The following PTPRG variants were observed in gnomAD, a reference collection of about 807,000 sequenced individuals.
PTPRG encodes receptor-type tyrosine-protein phosphatase gamma.
In PTPRG, 102 loss-of-function variants were observed where a neutral mutation model predicts 165.3. The observed-to-expected ratio is 0.62, with a 90% confidence interval of 0.53 to 0.73. PTPRG has a LOEUF of 0.73. PTPRG is among the 30% of genes least tolerant of loss of function. The pLI is 0.00. For missense variants in PTPRG, 1,866 were observed against 1,861.4 expected (o/e 1.00, Z -0.05); for synonymous variants, 675 against 669.5 (o/e 1.01, Z -0.13).
At chr3:62,040,773 C>T (rs1002050831) in intron 4 of PTPRG, among the ~76,000 whole-genome samples, 4 of 152,136 alleles carry the variant, frequency 2.6e-5, no homozygotes, top group Non-Finnish European at 5.9e-5. Context: ...AATAGAGCAC[C>T]GGAGTATAGG....
intron 1 of PTPRG, among the ~76,000 whole-genome samples, chr3:61,709,208 C>T (rs576302724): frequency 2.6e-5 from 4 of 152,312 alleles, no homozygotes; most frequent in African/African-American, 9.6e-5. Context: ...TGTAAGCCAG[C>T]TAATGCGTGT....
rs73084078 is a variant in PTPRG, at chr3:61,799,293, A to T, written c.190+50311A>T. 6.5e-3 allele frequency among the ~76,000 whole-genome samples: 987 copies of T among 151,946 alleles called. 4 individuals are homozygous for T. Among genetic ancestry groups the T allele is most frequent in the Middle Eastern group, 0.017 (5 of 288 alleles). ...TTAATACATTTTGATTAAAGTTCATACTTAATCTGTGCAGTACAAAGCCAG... is the reference window on the plus strand; with the variant it reads ...TTAATACATTTTGATTAAAGTTCATTCTTAATCTGTGCAGTACAAAGCCAG... On this transcript the variant is annotated intron_variant, in intron 2 of 29. Coordinates refer to ENST00000474889, the MANE Select transcript of PTPRG (RefSeq NM_002841.4).
At chr3:62,188,783 T>A (rs2106797548) in intron 8 of PTPRG, among the ~76,000 whole-genome samples, 1 of 152,228 alleles carries the variant, frequency 6.6e-6, no homozygotes, top group Non-Finnish European at 1.5e-5. Flanking sequence ...GCTTTCAGAA[T>A]GAGGAAGATA....
intron 1 of PTPRG, among the ~76,000 whole-genome samples, chr3:61,602,519 G>A (rs1050897488): frequency 2.6e-5 from 4 of 152,198 alleles, no homozygotes; most frequent in African/African-American, 9.6e-5. Context: ...AATTACGCCT[G>A]TATTGGTTAA....
At chr3:62,036,078 C>T (rs934413995) in intron 4 of PTPRG, among the ~76,000 whole-genome samples, 2 of 150,320 alleles carry the variant, frequency 1.3e-5, no homozygotes, top group East Asian at 3.9e-4. Flanking sequence ...CACTGTGGAG[C>T]TTCTATTCTA....
rs561334410 is a variant in PTPRG, at chr3:61,939,928, C to CTTTTTTTTT, written c.191-49669_191-49661dup. Among the ~76,000 whole-genome samples, 88 of 39,138 alleles carry CTTTTTTTTT rather than the reference C, an allele frequency of 2.2e-3. 27 individuals are homozygous for CTTTTTTTTT. The highest frequency in any genetic ancestry group is 5.5e-3 in the East Asian group (4 of 726). 25.7% of individuals were successfully genotyped at this position (39,138 alleles called of 152,430 possible). Reference sequence around the variant, plus strand: ...TGTCTTGGCTTCCTTACTGACTTGTCTTTTTTTTTTTTTTTTTTTTTTTTT... The same window carrying CTTTTTTTTT: ...TGTCTTGGCTTCCTTACTGACTTGTCTTTTTTTTTTTTTTTTTTTTTTTTTTTTTTTTTT... On this transcript the variant is annotated intron_variant, in intron 2 of 29. Coordinates refer to ENST00000474889, the MANE Select transcript of PTPRG (RefSeq NM_002841.4).
At chr3:61,781,479 G>C (rs1384708534) in intron 2 of PTPRG, among the ~76,000 whole-genome samples, 1 of 152,094 alleles carries the variant, frequency 6.6e-6, no homozygotes, top group Non-Finnish European at 1.5e-5. Flanking sequence ...CAGTGAATTT[G>C]GGATACATAT....
At chr3:62,186,261 T>A (rs1315685600) in intron 8 of PTPRG, among the ~76,000 whole-genome samples, 1 of 152,152 alleles carries the variant, frequency 6.6e-6, no homozygotes, top group Non-Finnish European at 1.5e-5. Context: ...ACCCCAGGAA[T>A]GAATTGTGTG....
chr3:61,693,500 C>G (rs1431612738), intron 1 of PTPRG, among the ~76,000 whole-genome samples: 1 of 152,128 alleles, frequency 6.6e-6, no homozygotes, highest in African/African-American at 2.4e-5. Flanking sequence ...CATTTTCTGC[C>G]TATTAGGGGG....
At chr3:61,833,959 T>C (rs1377119219) in intron 2 of PTPRG, among the ~76,000 whole-genome samples, 1 of 152,234 alleles carries the variant, frequency 6.6e-6, no homozygotes, top group African/African-American at 2.4e-5. Flanking sequence ...GTCTTCCTTA[T>C]TTCTCATCTA....
chr3:62,248,398 G>A (rs973129877), intron 15 of PTPRG, among the ~76,000 whole-genome samples: 4 of 152,054 alleles, frequency 2.6e-5, no homozygotes, highest in South Asian at 2.1e-4. Context: ...CCATTGTTTC[G>A]GTGTGAGGAT....
At chr3:61,646,210 A>G (rs866798178) in intron 1 of PTPRG, among the ~76,000 whole-genome samples, 1 of 152,056 alleles carries the variant, frequency 6.6e-6, no homozygotes, top group Non-Finnish European at 1.5e-5. Flanking sequence ...AACTGAAGCA[A>G]TCCTCCCACC....
chr3:62,041,099 T>G (rs1460303785), intron 4 of PTPRG, among the ~76,000 whole-genome samples: 1 of 152,210 alleles, frequency 6.6e-6, no homozygotes, highest in African/African-American at 2.4e-5. Context: ...ACCTGATGCT[T>G]GTGGTGGTTG....
In PTPRG at chr3:62,271,488, C is replaced by G; in HGVS notation, c.3115C>G (p.Leu1039Val). 6.2e-7 allele frequency: 1 copy of G among 1,614,028 alleles called. No homozygotes were observed. The highest frequency in any genetic ancestry group is 1.1e-5 in the South Asian group (1 of 91,074). The change falls in exon 21 of 30, where the codon CTG becomes GTG. Residue 1039 changes from leucine to valine, a missense_variant. Leu to Val is a conservative substitution (Grantham distance 32, BLOSUM62 1). Around this residue, in one of 3 missense-constraint regions of PTPRG, gnomAD observed 1,452 missense variants for 1,463.0 expected, o/e 0.99. Transcript: ENST00000474889. This position sits in a 1 kb window ranked among gnomAD's most constrained non-coding sequence, Gnocchi z 4.1. ...MGVPEYALPVLTFVRRSSAAR... is the reference protein window; with the variant it reads ...MGVPEYALPVVTFVRRSSAAR... ...AGTTCCCGAGTATGCCCTTCCAGTA[C>G]TGACTTTCGTGAGGAGATCCTCAGC... is the stretch of plus-strand genomic sequence containing the variant.
At chr3:61,678,015 T>C (rs1211397323) in intron 1 of PTPRG, among the ~76,000 whole-genome samples, 4 of 152,206 alleles carry the variant, frequency 2.6e-5, no homozygotes, top group Non-Finnish European at 5.9e-5. Flanking sequence ...CAACATGCTG[T>C]GTGCAGAACT....
At chr3:61,645,510 C>CA (rs1251841648) in intron 1 of PTPRG, among the ~76,000 whole-genome samples, 2 of 152,222 alleles carry the variant, frequency 1.3e-5, no homozygotes, top group East Asian at 3.8e-4. Context: ...TTTGCCAACA[C>CA]AGACAGAAGA....
intron 1 of PTPRG, among the ~76,000 whole-genome samples, chr3:61,627,686 T>G (rs111714523): frequency 6.6e-6 from 1 of 152,210 alleles, no homozygotes; most frequent in African/African-American, 2.4e-5. Flanking sequence ...ACTGTTCACT[T>G]TTTTAAATTT....
intron 1 of PTPRG, among the ~76,000 whole-genome samples, chr3:61,564,198 C>CT (rs1237483480): frequency 6.6e-6 from 1 of 152,226 alleles, no homozygotes; most frequent in Non-Finnish European, 1.5e-5. Flanking sequence ...CCTTTCTAGT[C>CT]TCCCCTGCTT....
At chr3:62,097,993 G>C (rs1352002192) in intron 5 of PTPRG, among the ~76,000 whole-genome samples, 1 of 152,198 alleles carries the variant, frequency 6.6e-6, no homozygotes, top group African/African-American at 2.4e-5. Flanking sequence ...CAGGTTTGAA[G>C]AGCTGCTATC....
Sources: allele counts gnomAD v4.1 joint callset (sites outside exome capture counted in the v4.1 genomes callset), GRCh38; gene constraint gnomAD v4.1.1; regional missense constraint gnomAD v4.1.1; non-coding constraint Gnocchi (gnomAD v3.1); transcripts MANE v1.5; gene names NCBI Gene and HGNC (gene_info 2026-07-23, HGNC 2026-07-21).